Variants in PTPRD observed in about 807,000 individuals in gnomAD.
The protein encoded by PTPRD is receptor-type tyrosine-protein phosphatase delta.
Under a neutral mutation model 214.5 loss-of-function variants are expected in PTPRD, and 34 were observed. The observed-to-expected ratio is 0.16, with a 90% confidence interval of 0.12 to 0.21. The LOEUF is 0.21. PTPRD is among the 10% of genes least tolerant of loss of function. The pLI is 1.00. For missense variants in PTPRD, 2,545 were observed against 2,398.7 expected, an observed-to-expected ratio of 1.06 and a Z score of -1.27; for synonymous variants, 1,128 against 845.7, an observed-to-expected ratio of 1.33 and a Z score of -5.79.
intron 12 of PTPRD, among the ~76,000 whole-genome samples, chr9:8,708,297 G>C (rs905536260): frequency 1.3e-5 from 2 of 152,082 alleles, no homozygotes; most frequent in Non-Finnish European, 2.9e-5. Context: ...GTGGAGAAAA[G>C]GGAACCCATA....
Position 10,368,120 on chromosome 9 carries a change from T to C in PTPRD, c.-599-27103A>G, listed in dbSNP as rs539260059. On this transcript the variant is annotated intron_variant, in intron 2 of 45. Transcript: ENST00000381196. ...TAAGCAGAGACAGCCTTAGGGGCTA[T>C]ATGTGCTGCCTTTGACACATATTGG... 2.1e-4 allele frequency among the ~76,000 whole-genome samples: 32 copies of C among 152,262 alleles called. No homozygotes were observed. In the South Asian group the frequency reaches 5.8e-3, roughly 28 times the overall value.
At chr9:9,955,765 G>C (rs979508142) in intron 4 of PTPRD, among the ~76,000 whole-genome samples, 5 of 152,160 alleles carry the variant, frequency 3.3e-5, no homozygotes, top group Non-Finnish European at 7.4e-5. Flanking sequence ...CCTCGTGATA[G>C]CCCGCCTCGG....
chr9:8,938,700 C>T (rs927053270), intron 11 of PTPRD, among the ~76,000 whole-genome samples: 4 of 151,548 alleles, frequency 2.6e-5, no homozygotes, highest in African/African-American at 9.7e-5. Context: ...AAAGGGTCCA[C>T]TAAGAGGCCA....
At position 8,779,749 on chromosome 9, in the gene PTPRD, G is replaced by A. The variant is rs192866475; in HGVS notation, c.-103-45803C>T. ...ACTCAGCCAAATCGTGGGGTTTTGT[G>A]AATGCTGCAGTCAGCAGGGCCCAAG... On this transcript the variant is annotated intron_variant, in intron 11 of 45. Coordinates refer to ENST00000381196, the MANE Select transcript of PTPRD (RefSeq NM_002839.4). Among the ~76,000 whole-genome samples the A allele has an allele frequency of 4.6e-5, 7 of 151,124 alleles. No individual in the cohort carries two copies. In the East Asian group the frequency reaches 9.8e-4, roughly 21 times the overall value.
At chr9:9,701,039 TA>T (rs56157927) in intron 7 of PTPRD, among the ~76,000 whole-genome samples, 5,177 of 140,216 alleles carry the variant, frequency 0.037, 77 homozygotes, top group African/African-American at 0.06. Flanking sequence ...ATCCTGAGAT[TA>T]AAAAAAAAAA....
intron 9 of PTPRD, among the ~76,000 whole-genome samples, chr9:9,300,930 AC>A (rs1459813029): frequency 6.6e-6 from 1 of 151,740 alleles, no homozygotes; most frequent in Admixed American, 6.6e-5. Flanking sequence ...GCAATTATCT[AC>A]CTGTTTTGTG....
At chr9:9,700,263 A>G (rs1351745789) in intron 7 of PTPRD, among the ~76,000 whole-genome samples, 4 of 152,132 alleles carry the variant, frequency 2.6e-5, no homozygotes, top group Admixed American at 6.6e-5. Context: ...AAATTTTAAT[A>G]TTCCTCTAAA....
At chr9:8,852,576 G>A (rs2097841720) in intron 11 of PTPRD, among the ~76,000 whole-genome samples, 1 of 152,156 alleles carries the variant, frequency 6.6e-6, no homozygotes, top group Non-Finnish European at 1.5e-5. Flanking sequence ...CAGGTGAAGA[G>A]GGAAGAACAT....
intron 11 of PTPRD, among the ~76,000 whole-genome samples, chr9:8,863,504 A>G (rs1016559981): frequency 1.3e-5 from 2 of 152,242 alleles, no homozygotes; most frequent in African/African-American, 2.4e-5. Context: ...TAATTAATAT[A>G]TGACAAGCTG....
At chr9:10,073,668 T>C (rs1345829685) in intron 3 of PTPRD, among the ~76,000 whole-genome samples, 5 of 152,124 alleles carry the variant, frequency 3.3e-5, no homozygotes, top group African/African-American at 1.2e-4. Context: ...CTTCCTACTA[T>C]GAGGAAAGAG....
chr9:10,512,349 A>G (rs1031198506), intron 2 of PTPRD, among the ~76,000 whole-genome samples: 3 of 151,972 alleles, frequency 2.0e-5, no homozygotes, highest in Non-Finnish European at 2.9e-5. Flanking sequence ...GAATGACGCA[A>G]TAATCATTGA....
chr9:10,070,055 G>A (rs1278186542), intron 3 of PTPRD, among the ~76,000 whole-genome samples: 1 of 151,952 alleles, frequency 6.6e-6, no homozygotes. Flanking sequence ...TGAAGCAGGG[G>A]AATGTCAAAG....
At chr9:8,448,538 A>T (rs1263776875) in intron 34 of PTPRD, among the ~76,000 whole-genome samples, 1 of 152,158 alleles carries the variant, frequency 6.6e-6, no homozygotes, top group Non-Finnish European at 1.5e-5. Context: ...AGATGACACA[A>T]GTTTGTTCAA....
chr9:10,505,769 T>TGCTATTGAG (rs2045736721), intron 2 of PTPRD, among the ~76,000 whole-genome samples: 2 of 152,262 alleles, frequency 1.3e-5, no homozygotes, highest in South Asian at 4.1e-4. Flanking sequence ...TATATGTCAT[T>TGCTATTGAG]GCTATTGAGG....
intron 14 of PTPRD, among the ~76,000 whole-genome samples, chr9:8,544,776 T>C (rs1292409149): frequency 2.0e-5 from 3 of 152,066 alleles, no homozygotes; most frequent in African/African-American, 4.8e-5. Context: ...TGGTCGCCAT[T>C]ACTTTCAATG....
Position 10,069,727 on chromosome 9 carries a change from T to C in PTPRD, c.-544-35937A>G, listed in dbSNP as rs556722431. ...GAGTAATGACTCATATTCTTAGTTTTAGGGAAAAAACAGAGATAATTGTGA... is the reference window on the plus strand; with the variant it reads ...GAGTAATGACTCATATTCTTAGTTTCAGGGAAAAAACAGAGATAATTGTGA... On this transcript the variant is annotated intron_variant, in intron 3 of 45. Coordinates refer to ENST00000381196, the MANE Select transcript of PTPRD (RefSeq NM_002839.4). 2.9e-4 allele frequency among the ~76,000 whole-genome samples: 44 copies of C among 152,070 alleles called. No homozygotes were observed. The East Asian group carries it at 8.0e-3, about 28-fold the overall frequency.
At chr9:10,176,693 GATCCTCAACC>G (rs2099250581) in intron 3 of PTPRD, among the ~76,000 whole-genome samples, 1 of 152,066 alleles carries the variant, frequency 6.6e-6, no homozygotes, top group African/African-American at 2.4e-5. Flanking sequence ...AGCCTCCAGA[GATCCTCAACC>G]ATGTTTATGA....
intron 10 of PTPRD, among the ~76,000 whole-genome samples, chr9:9,138,800 TG>T (rs1373657052): frequency 6.6e-6 from 1 of 152,182 alleles, no homozygotes; most frequent in African/African-American, 2.4e-5. Context: ...AGCATTTTTT[TG>T]ATATCTATTT....
chr9:9,005,807 T>C (rs1394992082), intron 11 of PTPRD, among the ~76,000 whole-genome samples: 1 of 151,982 alleles, frequency 6.6e-6, no homozygotes, highest in Non-Finnish European at 1.5e-5. Context: ...TAATTGGGGA[T>C]GTCTGGAGGG....
Sources: gnomAD v4.1 joint callset for allele counts (sites outside exome capture counted in the v4.1 genomes callset) on GRCh38, gnomAD v4.1.1 for gene constraint, MANE v1.5 for transcripts, NCBI Gene and HGNC (gene_info 2026-07-23, HGNC 2026-07-21) for gene names.